The following CDC42SE2 variants were observed in gnomAD, a reference collection of about 807,000 sequenced individuals.
The protein encoded by CDC42SE2 is CDC42 small effector protein 2.
CDC42SE2 carries 3 observed loss-of-function variants against 11.5 expected under a neutral mutation model. The observed-to-expected ratio is 0.26, with a 90% CI of 0.12 to 0.67. The LOEUF (loss-of-function observed/expected upper bound fraction) is 0.67. CDC42SE2 is among the 30% of genes least tolerant of loss of function. CDC42SE2 has a pLI of 0.80. For synonymous variants in CDC42SE2, 33 were observed against 34.8 expected (o/e 0.95, Z 0.18); for missense variants, 82 against 106.8 (o/e 0.77, Z 1.02).
In CDC42SE2 at chr5:131,292,853, A is replaced by C. The variant is rs142823975; in HGVS notation, c.-454-23123A>C. On this transcript the variant is annotated intron_variant, in intron 1 of 4. Coordinates refer to ENST00000505065, the MANE Select transcript of CDC42SE2 (RefSeq NM_001375635.1). The stretch of plus-strand genomic sequence containing the variant: ...CTTGAGCACAGGAGATTGAGGCTGC[A>C]GTGAGCTGAGATTGCACCCACTCAG... 1.7e-3 allele frequency among the ~76,000 whole-genome samples: 230 copies of C among 134,318 alleles called. 1 individual carries two copies. The highest frequency in any genetic ancestry group is 6.0e-3 in the African/African-American group (217 of 36,278). 88.1% of individuals were successfully genotyped at this position (134,318 alleles called of 152,430 possible). A position where few individuals can be genotyped will look rare whatever the true frequency, so the allele number is the denominator to read the frequency against.
At position 131,391,030 on chromosome 5, in the gene CDC42SE2, G is replaced by T; in HGVS notation, c.194G>T (p.Gly65Val). The T allele has an allele frequency of 6.2e-7, 1 of 1,613,312 alleles. No homozygotes were observed. Among genetic ancestry groups the T allele is most frequent in the Non-Finnish European group, 8.5e-7 (1 of 1,179,450 alleles). The change falls in exon 5 of 5, where the codon GGT becomes GTT. Residue 65 changes from glycine (G) to valine (V), a missense_variant. Coordinates refer to ENST00000505065, the MANE Select transcript of CDC42SE2 (RefSeq NM_001375635.1). ...SIQNQMQSKG[G>V]YGGGMPANVQ... The stretch of plus-strand genomic sequence containing the variant: ...CAGAACCAAATGCAGTCCAAGGGAG[G>T]TTATGGAGGTGGAATGCCTGCCAAT...
In CDC42SE2 at chr5:131,390,501, A is replaced by G. The variant is rs537041799; in HGVS notation, c.157-492A>G. ...GGAGTTCAAGACCAGCCTGGCCAAC[A>G]TGGTGAAACCTAAAAATAGAAAAAT... is the stretch of plus-strand genomic sequence containing the variant. On this transcript the variant is annotated intron_variant, in intron 4 of 4. Coordinates refer to ENST00000505065, the MANE Select transcript of CDC42SE2 (RefSeq NM_001375635.1). 6.8e-4 allele frequency among the ~76,000 whole-genome samples: 104 copies of G among 152,186 alleles called. 1 individual carries two copies. Among genetic ancestry groups the G allele is most frequent in the African/African-American group, 2.3e-3 (96 of 41,514 alleles).
At chr5:131,216,776 G>A in the CDC42SE2 span, among the ~76,000 whole-genome samples, 2 of 152,056 alleles carry the variant, frequency 1.3e-5, no homozygotes, top group Non-Finnish European at 2.9e-5. Flanking sequence ...GGATTGTCCA[G>A]TCAACTCCTT....
chr5:131,275,985 G>C (rs1757092175), intron 1 of CDC42SE2, among the ~76,000 whole-genome samples: 3 of 151,840 alleles, frequency 2.0e-5, no homozygotes, highest in Non-Finnish European at 4.4e-5. Flanking sequence ...ACATATTTGT[G>C]TTCCTAAAAA....
At chr5:131,351,855 T>G (rs1561595715) in intron 2 of CDC42SE2, among the ~76,000 whole-genome samples, 1 of 152,224 alleles carries the variant, frequency 6.6e-6, no homozygotes, top group Non-Finnish European at 1.5e-5. Flanking sequence ...AAACTTTAAC[T>G]CTTCGAAAGA....
intron 1 of CDC42SE2, among the ~76,000 whole-genome samples, chr5:131,252,059 T>TGGAAAGAA (rs1554093500): frequency 8.5e-6 from 1 of 118,002 alleles, no homozygotes; most frequent in Non-Finnish European, 1.8e-5. Flanking sequence ...AGAGAATGAG[T>TGGAAAGAA]GGAAGGAAGG....
chr5:131,232,418 A>G, the CDC42SE2 span, among the ~76,000 whole-genome samples: 130 of 152,012 alleles, frequency 8.6e-4, no homozygotes, highest in African/African-American at 3.1e-3. Flanking sequence ...CCCTGCCTAT[A>G]CCTATTCTTT....
chr5:131,227,451 G>A, the CDC42SE2 span, among the ~76,000 whole-genome samples: 295 of 152,064 alleles, frequency 1.9e-3, 1 homozygote, highest in African/African-American at 6.8e-3. Flanking sequence ...CCTGGCCAAC[G>A]TGGTGAAACC....
intron 2 of CDC42SE2, among the ~76,000 whole-genome samples, chr5:131,338,533 C>T (rs1250538798): frequency 6.6e-6 from 1 of 152,118 alleles, no homozygotes; most frequent in Non-Finnish European, 1.5e-5. Flanking sequence ...TGAGGTAGAG[C>T]CCCATCCTGT....
At chr5:131,311,887 G>C (rs1300336575) in intron 1 of CDC42SE2, among the ~76,000 whole-genome samples, 1 of 151,980 alleles carries the variant, frequency 6.6e-6, no homozygotes, top group African/African-American at 2.4e-5. Flanking sequence ...CCTTTGGTTT[G>C]AATGTCCTCC....
At chr5:131,351,259 C>CTT (rs948092546) in intron 2 of CDC42SE2, among the ~76,000 whole-genome samples, 36 of 147,444 alleles carry the variant, frequency 2.4e-4, no homozygotes, top group African/African-American at 8.9e-4. Context: ...CCTGATTTTC[C>CTT]TTTTTTTTTT....
chr5:131,358,005 T>G (rs1167985208), intron 2 of CDC42SE2, among the ~76,000 whole-genome samples: 1 of 152,244 alleles, frequency 6.6e-6, no homozygotes, highest in Non-Finnish European at 1.5e-5. Context: ...TTTCCTCTTC[T>G]AATTCTGGTA....
chr5:131,281,884 G>T (rs1368214976), intron 1 of CDC42SE2, among the ~76,000 whole-genome samples: 2 of 152,152 alleles, frequency 1.3e-5, no homozygotes, highest in Admixed American at 6.5e-5. Flanking sequence ...CATTTGTTAG[G>T]ATTAAATGAA....
intron 1 of CDC42SE2, among the ~76,000 whole-genome samples, chr5:131,271,996 T>TTTTTGTTTTG (rs138789202): frequency 1.3e-5 from 2 of 151,714 alleles, no homozygotes; most frequent in African/African-American, 4.9e-5. Flanking sequence ...TTGCTGGTTG[T>TTTTTGTTTTG]TTTTGTTTTG....
intron 4 of CDC42SE2, among the ~76,000 whole-genome samples, chr5:131,386,478 T>C (rs1326932886): frequency 3.9e-5 from 6 of 152,252 alleles, no homozygotes; most frequent in Non-Finnish European, 8.8e-5. Context: ...CATATCCCTT[T>C]AGGGCAAGGC....
At chr5:131,338,270 C>T (rs2149749861) in intron 2 of CDC42SE2, among the ~76,000 whole-genome samples, 1 of 152,292 alleles carries the variant, frequency 6.6e-6, no homozygotes, top group Admixed American at 6.5e-5. Flanking sequence ...CATCCCAAAC[C>T]CTTCGTAGCA....
Position 131,346,561 on chromosome 5 carries a change from T to G in CDC42SE2, c.-285-12648T>G, listed in dbSNP as rs1758849654. 3.9e-5 allele frequency among the ~76,000 whole-genome samples: 6 copies of G among 152,150 alleles called. No homozygotes were observed. In the South Asian group the frequency reaches 1.2e-3, roughly 32 times the overall value. Reference sequence around the variant, plus strand: ...TCCCACACAATAATAATGGCAGACTTTAACACCCGACTGTCAGCATTAGAC... The same window carrying G: ...TCCCACACAATAATAATGGCAGACTGTAACACCCGACTGTCAGCATTAGAC... On this transcript the variant is annotated intron_variant, in intron 2 of 4. Coordinates refer to ENST00000505065, the MANE Select transcript of CDC42SE2 (RefSeq NM_001375635.1).
intron 1 of CDC42SE2, among the ~76,000 whole-genome samples, chr5:131,276,547 C>T (rs947692106): frequency 2.0e-5 from 3 of 151,932 alleles, no homozygotes; most frequent in African/African-American, 2.4e-5. Context: ...AAATTATTCT[C>T]GATAAACCAG....
intron 1 of CDC42SE2, among the ~76,000 whole-genome samples, chr5:131,273,458 ATT>A (rs1280351936): frequency 7.0e-6 from 1 of 142,426 alleles, no homozygotes; most frequent in Non-Finnish European, 1.5e-5. Flanking sequence ...GCCCAGCCTT[ATT>A]TTTTTTTTTA....
Sources: gnomAD v4.1 joint callset for allele counts (sites outside exome capture counted in the v4.1 genomes callset) on GRCh38, gnomAD v4.1.1 for gene constraint, MANE v1.5 for transcripts, NCBI Gene and HGNC (gene_info 2026-07-23, HGNC 2026-07-21) for gene names.